The following ASTN1 variants were observed in gnomAD, a reference collection of about 807,000 sequenced individuals.
ASTN1 encodes the protein astrotactin-1.
ASTN1 carries 41 observed loss-of-function variants against 140.7 expected under a neutral mutation model. The observed-to-expected ratio is 0.29, with a 90% CI of 0.23 to 0.38. The LOEUF (loss-of-function observed/expected upper bound fraction) is 0.38, where lower values mean the gene tolerates loss of function less well. ASTN1 is among the 10% of genes least tolerant of loss of function. ASTN1 has a pLI of 1.00. For missense variants in ASTN1, 1,479 were observed against 1,678.8 expected (o/e 0.88, Z 2.08); for synonymous variants, 640 against 652.2 (o/e 0.98, Z 0.29).
intron 1 of ASTN1, among the ~76,000 whole-genome samples, chr1:177,086,147 G>T (rs1209718793): frequency 6.6e-6 from 1 of 152,020 alleles, no homozygotes. Context: ...TGGATGTCCT[G>T]GTCTTTTATA....
At chr1:176,898,130 A>C (rs1669604192) in intron 16 of ASTN1, among the ~76,000 whole-genome samples, 1 of 152,234 alleles carries the variant, frequency 6.6e-6, no homozygotes, top group South Asian at 2.1e-4. Context: ...GATGCAGCGA[A>C]TCCCCCTCAA....
intron 8 of ASTN1, among the ~76,000 whole-genome samples, chr1:176,982,472 G>A (rs1673663179): frequency 6.6e-6 from 1 of 152,186 alleles, no homozygotes; most frequent in Admixed American, 6.5e-5. Flanking sequence ...CCTCAAGAAT[G>A]TCTGATTCAG....
At chr1:177,002,517 G>A (rs1364324191) in intron 8 of ASTN1, among the ~76,000 whole-genome samples, 1 of 151,966 alleles carries the variant, frequency 6.6e-6, no homozygotes, top group African/African-American at 2.4e-5. Context: ...TCTAGGGGAT[G>A]GTACTTTGGG....
intron 7 of ASTN1, among the ~76,000 whole-genome samples, chr1:177,021,250 T>C (rs2101952179): frequency 6.6e-6 from 1 of 152,340 alleles, no homozygotes; most frequent in African/African-American, 2.4e-5. Flanking sequence ...TTAGTCTTCC[T>C]CTGTGTCTTT....
chr1:177,137,137 G>C (rs1682241792), intron 1 of ASTN1, among the ~76,000 whole-genome samples: 1 of 152,126 alleles, frequency 6.6e-6, no homozygotes, highest in African/African-American at 2.4e-5. Flanking sequence ...AGAAGTTTAT[G>C]GGGATGTGGT....
intron 1 of ASTN1, among the ~76,000 whole-genome samples, chr1:177,063,653 C>A (rs1340081011): frequency 1.3e-5 from 2 of 152,150 alleles, no homozygotes; most frequent in Admixed American, 1.3e-4. Flanking sequence ...CTCCATTCCC[C>A]ACTTGGGCGC....
chr1:177,159,766 CA>C (rs1248280344), intron 1 of ASTN1, among the ~76,000 whole-genome samples: 1 of 110 alleles, frequency 9.1e-3, no homozygotes, highest in Non-Finnish European at 0.016. Flanking sequence ...GGACCCTCCT[CA>C]GGAAGAGCAC....
At chr1:176,967,854 G>A (rs116461019) in intron 8 of ASTN1, among the ~76,000 whole-genome samples, 4,800 of 152,026 alleles carry the variant, frequency 0.032, 255 homozygotes, top group African/African-American at 0.11. Flanking sequence ...GGAGTGCAGC[G>A]TAGACCCCAC....
At chr1:176,910,522 T>A (rs1294730692) in intron 16 of ASTN1, among the ~76,000 whole-genome samples, 1 of 152,242 alleles carries the variant, frequency 6.6e-6, no homozygotes, top group Non-Finnish European at 1.5e-5. Context: ...GGATGTAATA[T>A]CTTGTTGAAG....
intron 1 of ASTN1, among the ~76,000 whole-genome samples, chr1:177,069,100 C>T (rs1194425468): frequency 6.6e-6 from 1 of 152,124 alleles, no homozygotes; most frequent in Non-Finnish European, 1.5e-5. Context: ...AATGTTTCAG[C>T]TCAATCCAGC....
chr1:177,038,480 G>A (rs1223111098), intron 2 of ASTN1, among the ~76,000 whole-genome samples: 1 of 151,730 alleles, frequency 6.6e-6, no homozygotes, highest in African/African-American at 2.4e-5. Context: ...TAAAGAGGGA[G>A]GAAGGAAAGA....
intron 1 of ASTN1, among the ~76,000 whole-genome samples, chr1:177,075,645 C>CTTTTTTTTTTTTTTTTTT (rs5778927): frequency 1.0e-5 from 1 of 99,548 alleles, no homozygotes; most frequent in African/African-American, 4.2e-5. Flanking sequence ...CTTTTCTTTT[C>CTTTTTTTTTTTTTTTTTT]TTTTTTTTTT....
chr1:176,949,702 C>G (rs1234023079), intron 11 of ASTN1, among the ~76,000 whole-genome samples: 1 of 152,226 alleles, frequency 6.6e-6, no homozygotes, highest in Non-Finnish European at 1.5e-5. Context: ...AATGAAAATG[C>G]ATTTGCAAAG....
At chr1:177,009,838 C>T (rs1347288779) in intron 8 of ASTN1, among the ~76,000 whole-genome samples, 1 of 152,200 alleles carries the variant, frequency 6.6e-6, no homozygotes, top group African/African-American at 2.4e-5. Context: ...TGAATGATCG[C>T]TCTGTCTCCA....
chr1:177,081,891 G>A (rs1325110250), intron 1 of ASTN1, among the ~76,000 whole-genome samples: 1 of 152,150 alleles, frequency 6.6e-6, no homozygotes, highest in Non-Finnish European at 1.5e-5. Context: ...AATGGAAAAC[G>A]CAGAGGAGAA....
chr1:177,056,586 T>C (rs6701326), intron 2 of ASTN1, among the ~76,000 whole-genome samples: 3,892 of 129,080 alleles, frequency 0.03, 70 homozygotes, highest in Non-Finnish European at 0.042. Flanking sequence ...TATATATATA[T>C]ACACATATCT....
chr1:176,901,626 C>T (rs1461226242), intron 16 of ASTN1, among the ~76,000 whole-genome samples: 1 of 152,150 alleles, frequency 6.6e-6, no homozygotes, highest in East Asian at 1.9e-4. Context: ...CCAATCTGAA[C>T]CCAAGGATGG....
At chr1:177,020,814 A>G (rs1430786711) in intron 7 of ASTN1, among the ~76,000 whole-genome samples, 1 of 152,174 alleles carries the variant, frequency 6.6e-6, no homozygotes, top group Non-Finnish European at 1.5e-5. Context: ...CTCTGGCACC[A>G]GGAGGCTGCT....
intron 8 of ASTN1, among the ~76,000 whole-genome samples, chr1:177,007,081 C>T (rs1558026830): frequency 1.3e-5 from 2 of 152,208 alleles, no homozygotes; most frequent in African/African-American, 4.8e-5. Context: ...CTTTACCTCT[C>T]TGGCTCTCCC....
Sources: gnomAD v4.1 joint callset for allele counts (sites outside exome capture counted in the v4.1 genomes callset) on GRCh38, gnomAD v4.1.1 for gene constraint, MANE v1.5 for transcripts, NCBI Gene and HGNC (gene_info 2026-07-23, HGNC 2026-07-21) for gene names.